Variants in PCLO observed in about 807,000 individuals in gnomAD.
The protein encoded by PCLO is piccolo presynaptic cytomatrix protein.
A neutral mutation model predicts 427.5 loss-of-function variants in PCLO; 82 were observed. That is an observed-to-expected ratio of 0.19 (90% CI 0.16 to 0.23). The LOEUF (loss-of-function observed/expected upper bound fraction) is 0.23. PCLO is among the 10% of genes least tolerant of loss of function. The probability of loss-of-function intolerance (pLI) is 1.00; values close to 1 mark genes in which losing one functional copy is unlikely to be tolerated. For missense variants in PCLO, 6,239 were observed against 6,115.9 expected (o/e 1.02, Z -0.67); for synonymous variants, 2,357 against 2,155.4 (o/e 1.09, Z -2.59).
At chr7:82,864,689 A>T (rs889506615) in intron 10 of PCLO, among the ~76,000 whole-genome samples, 1 of 152,140 alleles carries the variant, frequency 6.6e-6, no homozygotes, top group Non-Finnish European at 1.5e-5. Context: ...GTTATACTTT[A>T]ATTTATTCAG....
At chr7:82,972,870 C>T (rs1459988953) in intron 3 of PCLO, among the ~76,000 whole-genome samples, 1 of 151,982 alleles carries the variant, frequency 6.6e-6, no homozygotes, top group Non-Finnish European at 1.5e-5. Context: ...TAGAATTCTC[C>T]TTTTTACTTA....
rs748470282 is a variant in PCLO, at chr7:83,156,198, T to G, written c.443A>C (p.His148Pro). The G allele has an allele frequency of 6.2e-7, 1 of 1,613,746 alleles. No homozygotes were observed. Among genetic ancestry groups the G allele is most frequent in the East Asian group, 2.2e-5 (1 of 44,878 alleles). ...GAAGCCAGGCATCATACTAGACTTG[T>G]GCTCTTCCTTTAAATCAGTTCTGGA... ...SKSRTDLKEE[H>P]KSSMMPGFLS... is the part of the protein sequence containing the mutation. Residue 148 changes from histidine to proline, a missense_variant, in exon 2 of 25, where the codon CAC becomes CCC. This residue lies in a region of PCLO where 4,677 missense variants were observed against 4,468.4 expected (regional missense o/e 1.05). Transcript: ENST00000333891.
intron 3 of PCLO, among the ~76,000 whole-genome samples, chr7:83,053,416 A>C (rs2116275224): frequency 6.6e-6 from 1 of 152,108 alleles, no homozygotes; most frequent in South Asian, 2.1e-4. Flanking sequence ...TATCCCAATA[A>C]CTAGCTAAGT....
chr7:82,919,445 G>A (rs1465129433), intron 6 of PCLO, among the ~76,000 whole-genome samples: 1 of 151,958 alleles, frequency 6.6e-6, no homozygotes, highest in East Asian at 1.9e-4. Context: ...GAGACCCAGT[G>A]TGGTGAGATC....
rs1795482038 is a variant in PCLO, at chr7:82,955,268, T to C, written c.5685A>G (p.Pro1895=). The change falls in exon 5 of 25, where the codon CCA becomes CCG. Residue 1895 remains proline (P), a synonymous_variant. Transcript: ENST00000333891. Reference sequence around the variant, plus strand: ...TCTGCATAATAGATTGCTCATCTGTTGGTGAGTATAATGAAACAGCTGTGG... The same window carrying C: ...TCTGCATAATAGATTGCTCATCTGTCGGTGAGTATAATGAAACAGCTGTGG... ...KLPTAVSLYS[P]TDEQSIMQKE... 1 of 1,613,590 alleles carries C rather than the reference T, an allele frequency of 6.2e-7. No homozygotes were observed. Among genetic ancestry groups the C allele is most frequent in the South Asian group, 1.1e-5 (1 of 91,062 alleles).
Position 82,955,934 on chromosome 7 carries a change from G to T in PCLO, c.5019C>A (p.Asn1673Lys), listed in dbSNP as rs899013381. The T allele has an allele frequency of 6.2e-7, 1 of 1,613,680 alleles. No individual in the cohort carries two copies. The highest frequency in any genetic ancestry group is 1.1e-5 in the South Asian group (1 of 91,082). The change falls in exon 5 of 25, where the codon AAC (asparagine) becomes AAA (lysine). Residue 1673 changes from asparagine to lysine, a missense_variant. Transcript: ENST00000333891. ...CAGAATATTTATCTGCTATTGTACT[G>T]TTGAGCTCAATTGTTTTAAATCGGC... ...GLRRFKTIEL[N>K]STIADKYSAE...
intron 3 of PCLO, among the ~76,000 whole-genome samples, chr7:83,057,727 T>C (rs931576255): frequency 6.6e-6 from 1 of 152,014 alleles, no homozygotes; most frequent in Non-Finnish European, 1.5e-5. Context: ...CTATATACTT[T>C]ACTTGAAACA....
At chr7:82,885,355 CAT>C (rs1216980989) in intron 9 of PCLO, among the ~76,000 whole-genome samples, 1 of 152,228 alleles carries the variant, frequency 6.6e-6, no homozygotes, top group Admixed American at 6.5e-5. Flanking sequence ...CCAACAACCA[CAT>C]GAGTTTGGAA....
rs569160849 is a variant in PCLO at position 83,162,223 on chromosome 7, G to A, written c.248+122C>T. The A allele has an allele frequency of 1.3e-4, 150 of 1,182,030 alleles. No individual in the cohort carries two copies. The South Asian group carries it at 1.8e-3, about 14-fold the overall frequency. 73.2% of individuals were successfully genotyped at this position (1,182,030 alleles called of 1,614,324 possible). A position where few individuals can be genotyped will look rare whatever the true frequency, so the allele number is the denominator to read the frequency against. On this transcript the variant is annotated intron_variant, in intron 1 of 24. Transcript: ENST00000333891. ...GGATCTCTCTATGGCCACCCCACTGGGGAGAATAAAATGAACGGAGGCGAC... is the reference window on the plus strand; with the variant it reads ...GGATCTCTCTATGGCCACCCCACTGAGGAGAATAAAATGAACGGAGGCGAC...
chr7:83,133,988 T>G (rs1225639645), intron 3 of PCLO, among the ~76,000 whole-genome samples: 2 of 151,768 alleles, frequency 1.3e-5, no homozygotes, highest in Non-Finnish European at 2.9e-5. Context: ...ATTGTTATAT[T>G]AATTTAATAA....
intron 14 of PCLO, among the ~76,000 whole-genome samples, chr7:82,838,675 G>A (rs1792289913): frequency 6.6e-6 from 1 of 151,726 alleles, no homozygotes; most frequent in African/African-American, 2.4e-5. Context: ...TGTTGTTAAT[G>A]TTTATTAACA....
intron 3 of PCLO, among the ~76,000 whole-genome samples, chr7:83,118,272 C>T (rs1212216334): frequency 6.6e-6 from 1 of 152,030 alleles, no homozygotes; most frequent in Non-Finnish European, 1.5e-5. Context: ...AACAGGTAAT[C>T]ACAGGAAGGC....
At chr7:83,152,065 G>C (rs546292087) in intron 2 of PCLO, among the ~76,000 whole-genome samples, 6 of 151,736 alleles carry the variant, frequency 4.0e-5, no homozygotes, top group Admixed American at 6.6e-5. Flanking sequence ...CCCCGGTTCA[G>C]GCCATTCTCC....
At chr7:83,107,239 C>G (rs561836977) in intron 3 of PCLO, among the ~76,000 whole-genome samples, 26 of 152,162 alleles carry the variant, frequency 1.7e-4, no homozygotes, top group African/African-American at 2.6e-4. Context: ...GTCTATTAAA[C>G]TGAATAATCA....
chr7:82,851,760 G>A (rs904649494), intron 10 of PCLO, among the ~76,000 whole-genome samples: 1 of 152,036 alleles, frequency 6.6e-6, no homozygotes, highest in Non-Finnish European at 1.5e-5. Context: ...TCTATAAAGC[G>A]CTAGCAGCAG....
At chr7:82,897,567 T>C (rs1332758909) in intron 9 of PCLO, among the ~76,000 whole-genome samples, 2 of 151,576 alleles carry the variant, frequency 1.3e-5, no homozygotes, top group Non-Finnish European at 3.0e-5. Flanking sequence ...TAAAATTTTA[T>C]AGTAATAATT....
intron 13 of PCLO, among the ~76,000 whole-genome samples, 164 bp from the exon 14 acceptor site, chr7:82,841,673 C>T (rs1359879531): frequency 6.6e-6 from 1 of 152,022 alleles, no homozygotes; most frequent in East Asian, 1.9e-4. Context: ...ACTTACGGTT[C>T]TCAATACACA....
chr7:83,065,628 T>C (rs1789650904), intron 3 of PCLO, among the ~76,000 whole-genome samples: 2 of 152,114 alleles, frequency 1.3e-5, no homozygotes, highest in African/African-American at 4.8e-5. Flanking sequence ...TAAAGCATAA[T>C]ACATTATTTT....
intron 6 of PCLO, among the ~76,000 whole-genome samples, chr7:82,934,214 G>A (rs1206858904): frequency 2.6e-5 from 4 of 151,744 alleles, no homozygotes; most frequent in Non-Finnish European, 4.4e-5. Flanking sequence ...CTCATAGGTC[G>A]CTAATGATTA....
Sources: allele counts gnomAD v4.1 joint callset (sites outside exome capture counted in the v4.1 genomes callset), GRCh38; gene constraint gnomAD v4.1.1; regional missense constraint gnomAD v4.1.1; transcripts MANE v1.5; gene names NCBI Gene and HGNC (gene_info 2026-07-23, HGNC 2026-07-21).